The following SHANK2 variants were observed in gnomAD, a reference collection of about 807,000 sequenced individuals.
SHANK2 encodes SH3 and multiple ankyrin repeat domains protein 2.
In SHANK2, 43 loss-of-function variants were observed where a neutral mutation model predicts 133.7. The ratio of observed to expected loss-of-function variants is 0.32; its 90% confidence interval spans 0.25 to 0.41. The LOEUF (loss-of-function observed/expected upper bound fraction) is 0.41, where lower values mean the gene tolerates loss of function less well. Among genes scored for constraint, SHANK2 ranks in the 10% least tolerant of loss-of-function variants. The pLI is 1.00. For missense variants in SHANK2, 1,994 were observed against 2,235.8 expected (o/e 0.89, Z 2.18); for synonymous variants, 1,017 against 952.8 (o/e 1.07, Z -1.24).
intron 17 of SHANK2, among the ~76,000 whole-genome samples, chr11:70,652,537 G>T (rs1456185370): frequency 6.6e-6 from 1 of 152,156 alleles, no homozygotes; most frequent in African/African-American, 2.4e-5. Flanking sequence ...GAGGCCGGGT[G>T]GGGTGCATGC....
At chr11:70,814,308 G>C (rs1404595768) in intron 12 of SHANK2, among the ~76,000 whole-genome samples, 6 of 150,576 alleles carry the variant, frequency 4.0e-5, no homozygotes, top group Non-Finnish European at 7.4e-5. Flanking sequence ...TGGGTGACAA[G>C]AGTGAGACTC....
At chr11:70,733,214 G>A (rs2134741363) in intron 14 of SHANK2, among the ~76,000 whole-genome samples, 1 of 152,262 alleles carries the variant, frequency 6.6e-6, no homozygotes, top group Non-Finnish European at 1.5e-5. Flanking sequence ...AGGATGAGTA[G>A]GAGTTGGGTA....
chr11:70,952,813 T>C lies in SHANK2; in HGVS notation c.1108-56246A>G, dbSNP rs148278939. 120 of 424,126 alleles carry C rather than the reference T, an allele frequency of 2.8e-4. No homozygotes were observed. In the East Asian group the frequency reaches 6.2e-3, roughly 22 times the overall value. The allele number at this position is 424,126 out of a possible 1,614,324, so 26.3% of individuals were successfully genotyped here. A position where few individuals can be genotyped will look rare whatever the true frequency, so the allele number is the denominator to read the frequency against. On this transcript the variant is annotated intron_variant, in intron 10 of 25. Transcript: ENST00000601538. The stretch of plus-strand genomic sequence containing the variant: ...CCCACCTATGGTCTCTGGTAGCTGC[T>C]TTCTGTGGCTGTGGGAACAAATGAT...
intron 11 of SHANK2, among the ~76,000 whole-genome samples, chr11:70,852,672 G>A (rs562033566): frequency 5.3e-5 from 8 of 152,308 alleles, no homozygotes; most frequent in Admixed American, 3.3e-4. Flanking sequence ...GTGAAACCCC[G>A]TCTTGACTAA....
chr11:70,812,594 A>G (rs139025706), intron 12 of SHANK2, among the ~76,000 whole-genome samples: 51 of 152,268 alleles, frequency 3.3e-4, no homozygotes, highest in African/African-American at 1.1e-3. Context: ...TATCCTTGTG[A>G]TGTCTCATTT....
At chr11:70,785,370 C>T (rs1227923715) in intron 14 of SHANK2, among the ~76,000 whole-genome samples, 3 of 152,198 alleles carry the variant, frequency 2.0e-5, no homozygotes, top group Non-Finnish European at 4.4e-5. Flanking sequence ...TTTAAACCTG[C>T]ATTGCTCCAG....
chr11:71,213,463 GT>G (rs1954328696), intron 2 of SHANK2, among the ~76,000 whole-genome samples: 1 of 152,176 alleles, frequency 6.6e-6, no homozygotes, highest in African/African-American at 2.4e-5. Flanking sequence ...CAGGGGCAAG[GT>G]TTTTAACTCA....
At chr11:70,925,220 T>C (rs1950410042) in intron 10 of SHANK2, among the ~76,000 whole-genome samples, 1 of 152,222 alleles carries the variant, frequency 6.6e-6, no homozygotes, top group South Asian at 2.1e-4. Flanking sequence ...TGGTTAAATA[T>C]ATGCCCTATT....
At chr11:71,193,833 A>AT (rs1302522653) in intron 2 of SHANK2, among the ~76,000 whole-genome samples, 36 of 152,192 alleles carry the variant, frequency 2.4e-4, no homozygotes, top group African/African-American at 8.4e-4. Context: ...GGGCACTGCC[A>AT]TTTTCCCTGT....
intron 17 of SHANK2, among the ~76,000 whole-genome samples, chr11:70,632,544 T>A (rs1308669197): frequency 6.6e-6 from 1 of 152,096 alleles, no homozygotes; most frequent in Non-Finnish European, 1.5e-5. Flanking sequence ...TTGATAACAA[T>A]CCAAATTGTG....
rs139806999 is a variant in SHANK2 at position 70,599,816 on chromosome 11, A to AGAAGGAAG, written c.2061+60004_2061+60011dup. Among the ~76,000 whole-genome samples the AGAAGGAAG allele has an allele frequency of 1.9e-3, 261 of 136,650 alleles. 3 individuals are homozygous for AGAAGGAAG. Among genetic ancestry groups the AGAAGGAAG allele is most frequent in the Non-Finnish European group, 3.0e-3 (186 of 61,328 alleles). 89.6% of individuals were successfully genotyped at this position (136,650 alleles called of 152,430 possible). A position where few individuals can be genotyped will look rare whatever the true frequency, so the allele number is the denominator to read the frequency against. ...GAAGAAAAGAAAAGAAAGAAGAGGG[A>AGAAGGAAG]GAAGGAAGGAAGGAAGGAAGGAAGG... On this transcript the variant is annotated intron_variant, in intron 17 of 25. Transcript: ENST00000601538.
intron 12 of SHANK2, among the ~76,000 whole-genome samples, chr11:70,811,577 A>G (rs1344640273): frequency 1.3e-5 from 2 of 151,638 alleles, no homozygotes; most frequent in Non-Finnish European, 2.9e-5. Flanking sequence ...CCATCCATCC[A>G]TCTACCCATC....
At chr11:70,910,980 T>C (rs782227770) in intron 10 of SHANK2, 30 of 456,934 alleles carry the variant, frequency 6.6e-5, no homozygotes, top group Non-Finnish European at 1.3e-4. Flanking sequence ...GCCATGATGA[T>C]GCATCCCTCT....
intron 17 of SHANK2, among the ~76,000 whole-genome samples, chr11:70,577,566 C>G (rs1486019539): frequency 6.6e-6 from 1 of 152,250 alleles, no homozygotes; most frequent in Non-Finnish European, 1.5e-5. Flanking sequence ...GCTGCTACTC[C>G]TTTTGCAGGG....
At chr11:71,233,594 G>C (rs931092218) in intron 1 of SHANK2, among the ~76,000 whole-genome samples, 2 of 152,208 alleles carry the variant, frequency 1.3e-5, no homozygotes, top group Non-Finnish European at 2.9e-5. Flanking sequence ...ACACGGCACT[G>C]CAGGTTTTCA....
At chr11:70,629,724 A>G (rs1249940760) in intron 17 of SHANK2, among the ~76,000 whole-genome samples, 2 of 152,134 alleles carry the variant, frequency 1.3e-5, no homozygotes, top group African/African-American at 4.8e-5. Flanking sequence ...ACCAGGGAGC[A>G]CCTGCTGCAG....
Position 71,188,030 on chromosome 11 carries a change from C to A in SHANK2, c.-13+36667G>T, listed in dbSNP as rs1419932852. 2.0e-5 allele frequency among the ~76,000 whole-genome samples: 3 copies of A among 152,144 alleles called. No homozygotes were observed. The highest frequency in any genetic ancestry group is 2.0e-4 in the Admixed American group (3 of 15,282). ...GGCTTCGTGTCTTCTACTGGTATCA[C>A]GAAACTGAGGTAGGCTAACCTGGCG... On this transcript the variant is annotated intron_variant, in intron 2 of 25. Transcript: ENST00000601538. This position sits in a 1 kb window ranked among gnomAD's most constrained non-coding sequence, Gnocchi z 4.6.
In SHANK2 at chr11:71,092,443, G is replaced by A. The variant is rs782183599; in HGVS notation, c.891C>T (p.Asn297=). Residue 297 remains asparagine (N), a synonymous_variant, in exon 8 of 26, where the codon AAC becomes AAT. Transcript: ENST00000601538. Reference sequence around the variant, plus strand: ...GTACCTGGTGGATCTCGTGCCAGCCGTTCTCATCTTTGCAGCACACAGTGG... The same window carrying A: ...GTACCTGGTGGATCTCGTGCCAGCCATTCTCATCTTTGCAGCACACAGTGG... ...EHATVCCKDE[N]GWHEIHQACR... is the part of the protein sequence containing the mutation. 7.9e-5 allele frequency: 122 copies of A among 1,551,278 alleles called. No individual in the cohort carries two copies. Among genetic ancestry groups the A allele is most frequent in the Middle Eastern group, 1.7e-4 (1 of 6,012 alleles).
intron 2 of SHANK2, 99 bp from the exon 3 acceptor site, chr11:71,147,437 C>T (rs1255067226): frequency 1.2e-5 from 11 of 928,354 alleles, no homozygotes; most frequent in South Asian, 7.4e-5. Context: ...CACGTGGGCT[C>T]GGTTTCACAG....
Sources: allele counts gnomAD v4.1 joint callset (sites outside exome capture counted in the v4.1 genomes callset), GRCh38; gene constraint gnomAD v4.1.1; non-coding constraint Gnocchi (gnomAD v3.1); transcripts MANE v1.5; gene names NCBI Gene and HGNC (gene_info 2026-07-23, HGNC 2026-07-21).